MRTFB: variants seen among roughly 807,000 people sequenced by gnomAD.
MRTFB encodes the protein myocardin-related transcription factor B.
Under a neutral mutation model 104.2 loss-of-function variants are expected in MRTFB, and 29 were observed. That is an observed-to-expected ratio of 0.28 (90% CI 0.21 to 0.38). MRTFB has a LOEUF of 0.38. Among genes scored for constraint, MRTFB ranks in the 10% least tolerant of loss-of-function variants. The pLI is 1.00. For missense variants in MRTFB, 1,270 were observed against 1,341.6 expected (o/e 0.95, Z 0.83); for synonymous variants, 535 against 519.5 (o/e 1.03, Z -0.41).
chr16:14,104,991 C>G (rs143292318), intron 2 of MRTFB, among the ~76,000 whole-genome samples: 2 of 152,102 alleles, frequency 1.3e-5, no homozygotes, highest in Non-Finnish European at 2.9e-5. Flanking sequence ...GTGCCCCTTT[C>G]TTGGTCTGAT....
intron 2 of MRTFB, among the ~76,000 whole-genome samples, chr16:14,111,104 CTT>C (rs898068622): frequency 6.6e-6 from 1 of 152,108 alleles, no homozygotes; most frequent in Non-Finnish European, 1.5e-5. Flanking sequence ...CTGTAACTTC[CTT>C]TGTTTCTTTC....
At chr16:14,138,419 T>A (rs1183406678) in intron 2 of MRTFB, among the ~76,000 whole-genome samples, 2 of 151,882 alleles carry the variant, frequency 1.3e-5, no homozygotes, top group East Asian at 3.9e-4. Flanking sequence ...AGTGTGGATC[T>A]GCTGGTGACA....
intron 13 of MRTFB, among the ~76,000 whole-genome samples, chr16:14,251,325 C>T (rs1183366779): frequency 2.9e-5 from 4 of 140,248 alleles, no homozygotes; most frequent in African/African-American, 5.4e-5. Flanking sequence ...TGCAGTGAGC[C>T]GAGATCGCAC....
chr16:14,151,855 C>G (rs976556573), intron 3 of MRTFB: 6 of 152,136 alleles, frequency 3.9e-5, no homozygotes, highest in Non-Finnish European at 8.8e-5. Context: ...TCAGAGCTCT[C>G]TAGGGACTAT....
chr16:14,238,315 G>A (rs568179670), intron 9 of MRTFB, among the ~76,000 whole-genome samples: 1 of 152,232 alleles, frequency 6.6e-6, no homozygotes, highest in African/African-American at 2.4e-5. Context: ...GTTTTGCCAG[G>A]TGTCTATGAC....
chr16:14,260,467 A>G (rs528434033), intron 16 of MRTFB, among the ~76,000 whole-genome samples: 3 of 152,312 alleles, frequency 2.0e-5, no homozygotes, highest in Admixed American at 6.5e-5. Flanking sequence ...TATTAGGAGT[A>G]TCATGTTGCT....
upstream of MRTFB, among the ~76,000 whole-genome samples, chr16:14,067,939 C>G (rs1376919035): frequency 1.3e-5 from 2 of 152,168 alleles, no homozygotes; most frequent in Non-Finnish European, 2.9e-5. Context: ...TCAAGAGATT[C>G]TTGTGCCTCA....
At chr16:14,038,160 G>C in the MRTFB span, among the ~76,000 whole-genome samples, 1 of 152,112 alleles carries the variant, frequency 6.6e-6, no homozygotes, top group Admixed American at 6.6e-5. Flanking sequence ...TCTGTCCTTG[G>C]TAGTAGACGG....
At position 14,199,226 on chromosome 16, in the gene MRTFB, C is replaced by A. The variant is rs1275582479; in HGVS notation, c.155-11017C>A. ...ACACACACCCTCCTGGTTCCCTCCG[C>A]CTTTTTAGGCAGCTTCCTCTGCCTT... On this transcript the variant is annotated intron_variant, in intron 3 of 16. Transcript: ENST00000571589. 2.0e-5 allele frequency among the ~76,000 whole-genome samples: 3 copies of A among 152,236 alleles called. No individual in the cohort carries two copies. The East Asian group carries it at 5.8e-4, about 29-fold the overall frequency.
the MRTFB span, among the ~76,000 whole-genome samples, chr16:14,056,836 C>G: frequency 6.6e-6 from 1 of 152,120 alleles, no homozygotes; most frequent in African/African-American, 2.4e-5. Context: ...ATTAAGAAAC[C>G]TTTAGTTCAT....
intron 3 of MRTFB, among the ~76,000 whole-genome samples, chr16:14,179,302 A>T (rs954944594): frequency 1.3e-5 from 2 of 152,236 alleles, no homozygotes; most frequent in Non-Finnish European, 2.9e-5. Flanking sequence ...ATCATGACTC[A>T]TAGATCCCAT....
At chr16:14,143,402 G>A (rs1248084412) in intron 3 of MRTFB, 1 of 151,768 alleles carries the variant, frequency 6.6e-6, no homozygotes, top group Non-Finnish European at 1.5e-5. Context: ...GAGAAGATAG[G>A]GCATAATTTT....
chr16:14,111,979 G>A (rs1122454), intron 2 of MRTFB, among the ~76,000 whole-genome samples: 17,755 of 152,060 alleles, frequency 0.12, 1,372 homozygotes, highest in East Asian at 0.29. Flanking sequence ...TTCTTACTGG[G>A]TACCATCCCC....
At chr16:14,197,475 C>T (rs573202538) in intron 3 of MRTFB, among the ~76,000 whole-genome samples, 3 of 152,252 alleles carry the variant, frequency 2.0e-5, no homozygotes, top group South Asian at 2.1e-4. Flanking sequence ...TCCAAATTCC[C>T]GCAATGAAGT....
At chr16:14,154,360 A>G (rs886805293) in intron 3 of MRTFB, among the ~76,000 whole-genome samples, 2 of 152,194 alleles carry the variant, frequency 1.3e-5, no homozygotes, top group African/African-American at 4.8e-5. Flanking sequence ...TTAAATGTTA[A>G]GGATAAGCTT....
chr16:14,204,493 C>T (rs1215261643), intron 3 of MRTFB, among the ~76,000 whole-genome samples: 1 of 152,094 alleles, frequency 6.6e-6, no homozygotes, highest in Non-Finnish European at 1.5e-5. Context: ...GATAAGCTAC[C>T]TTTCATTTTT....
At chr16:14,003,652 C>CTCTT in the MRTFB span, among the ~76,000 whole-genome samples, 2 of 14,212 alleles carry the variant, frequency 1.4e-4, no homozygotes, top group African/African-American at 1.4e-4. Flanking sequence ...CTCCCTCCCT[C>CTCTT]CCTCCCTCCC....
chr16:14,045,071 C>G, the MRTFB span, among the ~76,000 whole-genome samples: 1 of 152,158 alleles, frequency 6.6e-6, no homozygotes, highest in East Asian at 1.9e-4. Context: ...CCATGTAGCT[C>G]TCAGTTTGAG....
the MRTFB span, among the ~76,000 whole-genome samples, chr16:14,030,969 A>T: frequency 6.6e-6 from 1 of 152,196 alleles, no homozygotes; most frequent in Non-Finnish European, 1.5e-5. Flanking sequence ...GGTTGTCATG[A>T]TGGCCGAGGC....
Sources: gnomAD v4.1 joint callset for allele counts (sites outside exome capture counted in the v4.1 genomes callset) on GRCh38, gnomAD v4.1.1 for gene constraint, MANE v1.5 for transcripts, NCBI Gene and HGNC (gene_info 2026-07-23, HGNC 2026-07-21) for gene names.